The following CAST variants were observed in gnomAD, a reference collection of about 807,000 sequenced individuals.
CAST encodes calpastatin, also known as MIR583 host.
In CAST, 76 loss-of-function variants were observed where a neutral mutation model predicts 119.6. The ratio of observed to expected loss-of-function variants is 0.64; its 90% CI spans 0.53 to 0.77. The LOEUF (loss-of-function observed/expected upper bound fraction) is 0.77. CAST is among the 30% of genes least tolerant of loss of function. CAST has a pLI of 0.00. For missense variants in CAST, 953 were observed against 946.5 expected, an observed-to-expected ratio of 1.01 and a Z score of -0.09; for synonymous variants, 319 against 331.6, an observed-to-expected ratio of 0.96 and a Z score of 0.41.
the CAST span, among the ~76,000 whole-genome samples, chr5:96,415,357 C>T: frequency 5.3e-5 from 8 of 152,184 alleles, no homozygotes; most frequent in Non-Finnish European, 1.2e-4. Context: ...CTCCTGTGAC[C>T]ACAGCTTTCC....
chr5:96,721,657 T>C (rs1758289262), intron 3 of CAST, among the ~76,000 whole-genome samples: 1 of 152,214 alleles, frequency 6.6e-6, no homozygotes, highest in Non-Finnish European at 1.5e-5. Context: ...CCCTGGGTTC[T>C]AAAACCTAAT....
At chr5:96,639,228 T>C (rs1747921544) in intron 1 of CAST, among the ~76,000 whole-genome samples, 1 of 152,124 alleles carries the variant, frequency 6.6e-6, no homozygotes, top group Non-Finnish European at 1.5e-5. Flanking sequence ...CTGTGACCAA[T>C]GTACAGTAGA....
chr5:96,534,901 A>C (rs1165194266), intron 1 of CAST, among the ~76,000 whole-genome samples: 1 of 148,252 alleles, frequency 6.7e-6, no homozygotes, highest in Admixed American at 6.9e-5. Flanking sequence ...AGAAGGAAAG[A>C]AGGAAGGAAA....
intron 3 of CAST, among the ~76,000 whole-genome samples, chr5:96,706,929 C>T (rs947202827): frequency 2.0e-5 from 3 of 152,316 alleles, no homozygotes; most frequent in African/African-American, 7.2e-5. Flanking sequence ...GGAGCCGCCA[C>T]AGCTGATTGG....
the CAST span, among the ~76,000 whole-genome samples, chr5:96,242,533 C>T: frequency 2.6e-5 from 4 of 152,168 alleles, no homozygotes; most frequent in Non-Finnish European, 5.9e-5. Context: ...CAGATCTTGT[C>T]CCTCCAATTA....
chr5:96,561,795 TG>T lies in CAST; in HGVS notation c.60+31916del, dbSNP rs528287128. On this transcript the variant is annotated intron_variant, in intron 1 of 11. Transcript: ENST00000505143. ...TGTGTATTATATATATGTTTTTTTTTGTTTTTTTTTTTTTTGAGACGGAGTC... is the reference window on the plus strand; with the variant it reads ...TGTGTATTATATATATGTTTTTTTTTTTTTTTTTTTTTTTGAGACGGAGTC... 1.3e-4 allele frequency among the ~76,000 whole-genome samples: 12 copies of T among 89,390 alleles called. 1 individual carries two copies. The highest frequency in any genetic ancestry group is 4.8e-4 in the South Asian group (1 of 2,076). 58.6% of individuals were successfully genotyped at this position (89,390 alleles called of 152,430 possible).
the CAST span, among the ~76,000 whole-genome samples, chr5:96,084,923 C>T: frequency 2.0e-5 from 3 of 152,198 alleles, no homozygotes; most frequent in Non-Finnish European, 4.4e-5. Context: ...AACAAATGCC[C>T]ATGCTCACTA....
At chr5:96,020,402 C>A in the CAST span, among the ~76,000 whole-genome samples, 2 of 152,110 alleles carry the variant, frequency 1.3e-5, no homozygotes, top group Admixed American at 1.3e-4. Flanking sequence ...GTCCACAACC[C>A]CCGGGCCACA....
the CAST span, among the ~76,000 whole-genome samples, chr5:96,350,316 G>T: frequency 6.6e-6 from 1 of 152,146 alleles, no homozygotes; most frequent in African/African-American, 2.4e-5. Flanking sequence ...TTACGTATGA[G>T]AAGGAGGTAG....
At chr5:96,737,477 T>C (rs1761906710) in intron 10 of CAST, among the ~76,000 whole-genome samples, 1 of 152,220 alleles carries the variant, frequency 6.6e-6, no homozygotes, top group Non-Finnish European at 1.5e-5. Flanking sequence ...CCCTTATCGC[T>C]TAGAGCAACA....
chr5:96,209,234 T>A, the CAST span, among the ~76,000 whole-genome samples: 40 of 152,146 alleles, frequency 2.6e-4, no homozygotes, highest in African/African-American at 8.7e-4. Flanking sequence ...ATGGGTCTCT[T>A]GAAGACAGGA....
At chr5:96,232,063 A>G in the CAST span, among the ~76,000 whole-genome samples, 2 of 152,108 alleles carry the variant, frequency 1.3e-5, no homozygotes, top group African/African-American at 2.4e-5. Context: ...TTGGAGATTC[A>G]ATATAAATAA....
chr5:96,381,377 C>A, the CAST span, among the ~76,000 whole-genome samples: 3 of 151,954 alleles, frequency 2.0e-5, no homozygotes, highest in Admixed American at 1.3e-4. Flanking sequence ...CTTTGGGGTC[C>A]TCAATAATGT....
At chr5:96,074,844 GTTATAC>G in the CAST span, among the ~76,000 whole-genome samples, 1 of 152,142 alleles carries the variant, frequency 6.6e-6, no homozygotes, top group African/African-American at 2.4e-5. Context: ...TTATTTATGG[GTTATAC>G]TTATTCTTAC....
At chr5:96,054,617 T>C in the CAST span, among the ~76,000 whole-genome samples, 1 of 152,232 alleles carries the variant, frequency 6.6e-6, no homozygotes, top group Non-Finnish European at 1.5e-5. Context: ...ATAATTTCCT[T>C]ATCTATAAAA....
At chr5:96,262,587 TG>T in the CAST span, among the ~76,000 whole-genome samples, 4 of 152,152 alleles carry the variant, frequency 2.6e-5, no homozygotes, top group African/African-American at 7.2e-5. Context: ...TGGAGTGCAG[TG>T]GTGCAATCTC....
the CAST span, among the ~76,000 whole-genome samples, chr5:96,341,770 C>T: frequency 6.6e-6 from 1 of 152,070 alleles, no homozygotes; most frequent in Admixed American, 6.6e-5. Context: ...GGAACATGAA[C>T]CTACCACGGC....
chr5:96,589,728 A>C (rs972598582), intron 1 of CAST, among the ~76,000 whole-genome samples: 3 of 152,214 alleles, frequency 2.0e-5, no homozygotes, highest in African/African-American at 7.2e-5. Flanking sequence ...GAATATAATA[A>C]TTTTTAACAT....
Position 96,617,586 on chromosome 5 carries a change from G to T in CAST, c.61-57953G>T, listed in dbSNP as rs541930876. Among the ~76,000 whole-genome samples, 8 of 151,778 alleles carry T rather than the reference G, an allele frequency of 5.3e-5. No homozygotes were observed. In the South Asian group the frequency reaches 6.3e-4, roughly 12 times the overall value. ...GGGCGAATCACAAGGTCAGGAGATC[G>T]AGACCATCCTGGCTAACACAGTGAA... On this transcript the variant is annotated intron_variant, in intron 1 of 11. Coordinates refer to the CAST transcript ENST00000505143.
Sources: gnomAD v4.1 joint callset for allele counts (sites outside exome capture counted in the v4.1 genomes callset) on GRCh38, gnomAD v4.1.1 for gene constraint, MANE v1.5 for transcripts, NCBI Gene and HGNC (gene_info 2026-07-23, HGNC 2026-07-21) for gene names.